CWH43: variants seen among roughly 807,000 people sequenced by gnomAD.
CWH43 encodes PGAP2-interacting protein.
In CWH43, 91 loss-of-function variants were observed where a neutral mutation model predicts 85.7. That is an observed-to-expected ratio of 1.06 (90% CI 0.90 to 1.26). The LOEUF (loss-of-function observed/expected upper bound fraction) is 1.26. CWH43 is among the 50% of genes most tolerant of loss of function. The pLI is 0.00. For missense variants in CWH43, 869 were observed against 839.2 expected (o/e 1.04, Z -0.44); for synonymous variants, 323 against 293.6 (o/e 1.10, Z -1.02).
intron 9 of CWH43, among the ~76,000 whole-genome samples, chr4:49,026,419 T>C (rs1430547216): frequency 6.6e-6 from 1 of 152,200 alleles, no homozygotes; most frequent in African/African-American, 2.4e-5. Flanking sequence ...GGAGCAAAAG[T>C]TCATGGTGTG....
intron 15 of CWH43, among the ~76,000 whole-genome samples, chr4:49,057,458 T>G (rs866920948): frequency 2.6e-5 from 4 of 152,220 alleles, no homozygotes; most frequent in African/African-American, 2.4e-5. Context: ...AGCAGAGGGA[T>G]GACTTCAAAT....
chr4:48,996,399 G>A (rs1025430550), intron 5 of CWH43, among the ~76,000 whole-genome samples: 1 of 151,800 alleles, frequency 6.6e-6, no homozygotes, highest in African/African-American at 2.4e-5. Flanking sequence ...TTTTCTTCCT[G>A]TCTAGACACT....
chr4:49,036,301 G>A (rs1053039224), intron 12 of CWH43, among the ~76,000 whole-genome samples: 4 of 152,198 alleles, frequency 2.6e-5, no homozygotes, highest in Non-Finnish European at 4.4e-5. Context: ...CATAGAGAAA[G>A]GACAGAGGAT....
chr4:49,045,503 C>T (rs1287911864), intron 14 of CWH43, among the ~76,000 whole-genome samples: 1 of 151,936 alleles, frequency 6.6e-6, no homozygotes, highest in Non-Finnish European at 1.5e-5. Flanking sequence ...TTTATTGTAC[C>T]TTTTCTATGT....
intron 2 of CWH43, among the ~76,000 whole-genome samples, chr4:48,990,249 G>T (rs952335357): frequency 2.6e-5 from 4 of 152,140 alleles, no homozygotes; most frequent in Non-Finnish European, 5.9e-5. Context: ...ACATCCCCTT[G>T]AGCAGAAGTA....
At chr4:49,004,350 TTGGCTCGTAAATATACA>T (rs1337235087) in intron 7 of CWH43, among the ~76,000 whole-genome samples, 2 of 152,182 alleles carry the variant, frequency 1.3e-5, no homozygotes, top group African/African-American at 2.4e-5. Context: ...ACTTCAGTGG[TTGGCTCGTAAATATACA>T]TGGGGATTGT....
At chr4:48,997,425 A>T (rs1782848609) in intron 5 of CWH43, among the ~76,000 whole-genome samples, 1 of 152,112 alleles carries the variant, frequency 6.6e-6, no homozygotes, top group Non-Finnish European at 1.5e-5. Context: ...GCTCTATGGG[A>T]GAAAGGGATC....
At chr4:49,020,416 C>CACACAAACACATAT (rs140534523) in intron 9 of CWH43, among the ~76,000 whole-genome samples, 1 of 128,394 alleles carries the variant, frequency 7.8e-6, no homozygotes, top group South Asian at 2.6e-4. Context: ...CACACACACA[C>CACACAAACACATAT]ATATATATAT....
rs78899539 is a variant in CWH43, at chr4:49,061,817, G to T, written c.2027G>T (p.Gly676Val). The T allele has an allele frequency of 1.4e-6, 2 of 1,383,922 alleles. No homozygotes were observed. Among genetic ancestry groups the T allele is most frequent in the Admixed American group, 3.0e-5 (1 of 33,548 alleles). The allele number at this position is 1,383,922 out of a possible 1,614,324, so 85.7% of individuals were successfully genotyped here. Residue 676 changes from glycine (G) to valine (V), a missense_variant, in exon 16 of 16, where the codon GGA (glycine) becomes GTA (valine). Around this residue, in one of 3 missense-constraint regions of CWH43, gnomAD observed 577 missense variants for 513.1 expected, o/e 1.12. Coordinates refer to ENST00000226432, the MANE Select transcript of CWH43 (RefSeq NM_025087.3). ...TTTATTTTTTATTTTTTTAGATTTG[G>T]ATCCTACAAAGAAGGACACAATTAT... is the stretch of plus-strand genomic sequence containing the variant. ...SEKIHFNPRFGSYKEGHNYEN... is the reference protein window; with the variant it reads ...SEKIHFNPRFVSYKEGHNYEN...
chr4:49,001,053 G>A (rs1445108842), intron 6 of CWH43, among the ~76,000 whole-genome samples: 3 of 152,128 alleles, frequency 2.0e-5, no homozygotes, highest in Non-Finnish European at 2.9e-5. Flanking sequence ...AAGAAATCCT[G>A]TTTTCCCATT....
rs1420445076 is a variant in CWH43 at position 48,998,461 on chromosome 4, G to A, written c.715G>A (p.Gly239Ser). Residue 239 changes from glycine (G) to serine (S), a missense_variant and splice_region_variant, in exon 6 of 16, where the codon GGT becomes AGT. This residue lies in a region of CWH43 where 152 missense variants were observed against 203.6 expected (regional missense o/e 0.75). Transcript: ENST00000226432. ...HPGPDPNPFG[G>S]AVLLCLASGL... is the part of the protein sequence containing the mutation. ...CTTAGAGCATGTCCTTTTTCACAGA[G>A]GTGCAGTACTGCTGTGCTTGGCAAG... is the stretch of plus-strand genomic sequence containing the variant. 5.0e-6 allele frequency: 8 copies of A among 1,611,468 alleles called. No homozygotes were observed. Among genetic ancestry groups the A allele is most frequent in the Non-Finnish European group, 6.8e-6 (8 of 1,177,912 alleles).
intron 15 of CWH43, among the ~76,000 whole-genome samples, chr4:49,059,432 T>C (rs759402867): frequency 6.6e-6 from 1 of 152,214 alleles, no homozygotes; most frequent in Non-Finnish European, 1.5e-5. Context: ...ATTTTGAATT[T>C]TTCATTATGC....
chr4:49,040,929 A>G (rs994341464), intron 13 of CWH43, among the ~76,000 whole-genome samples: 24 of 152,208 alleles, frequency 1.6e-4, no homozygotes, highest in Non-Finnish European at 3.2e-4. Context: ...TATAAGATGT[A>G]AGGAAGGGAT....
chr4:49,042,398 G>C (rs960682966), intron 13 of CWH43, among the ~76,000 whole-genome samples: 1 of 152,162 alleles, frequency 6.6e-6, no homozygotes, highest in African/African-American at 2.4e-5. Context: ...TTATGATACT[G>C]ACATTTATTT....
At chr4:48,996,757 A>T (rs4695418) in intron 5 of CWH43, among the ~76,000 whole-genome samples, 88,111 of 152,100 alleles carry the variant, frequency 0.58, 28,978 homozygotes, top group Middle Eastern at 0.75. Context: ...GCCTTGCTTT[A>T]CTCACAAGAA....
At chr4:49,048,338 G>A (rs1225090449) in intron 14 of CWH43, among the ~76,000 whole-genome samples, 1 of 149,964 alleles carries the variant, frequency 6.7e-6, no homozygotes, top group African/African-American at 2.4e-5. Flanking sequence ...GTATCACTCT[G>A]TGTGTATATA....
intron 6 of CWH43, among the ~76,000 whole-genome samples, chr4:48,998,846 G>A (rs1212898252): frequency 6.6e-6 from 1 of 152,106 alleles, no homozygotes; most frequent in Non-Finnish European, 1.5e-5. Context: ...AGGCACATGT[G>A]TTAAGTAGCA....
intron 7 of CWH43, among the ~76,000 whole-genome samples, chr4:49,006,804 G>A (rs1024826567): frequency 2.0e-5 from 3 of 152,120 alleles, no homozygotes; most frequent in Non-Finnish European, 2.9e-5. Flanking sequence ...AAGAGCCTAC[G>A]TATGATCCAT....
At chr4:49,037,320 C>G (rs1577696228) in intron 12 of CWH43, among the ~76,000 whole-genome samples, 1 of 152,264 alleles carries the variant, frequency 6.6e-6, no homozygotes, top group East Asian at 1.9e-4. Flanking sequence ...CCTGTAATCC[C>G]AGCACTTTGG....
Sources: gnomAD v4.1 joint callset for allele counts (sites outside exome capture counted in the v4.1 genomes callset) on GRCh38, gnomAD v4.1.1 for gene constraint, gnomAD v4.1.1 regional missense constraint, MANE v1.5 for transcripts, NCBI Gene and HGNC (gene_info 2026-07-23, HGNC 2026-07-21) for gene names.